The following ASB18 variants were observed in gnomAD, a reference collection of about 807,000 sequenced individuals.
ASB18 encodes the protein ankyrin repeat and SOCS box protein 18.
ASB18 carries 33 observed loss-of-function variants against 33.4 expected under a neutral mutation model. The observed-to-expected ratio is 0.99, with a 90% CI of 0.75 to 1.32. The LOEUF is 1.32. Among genes scored for constraint, ASB18 ranks in the 40% most tolerant of loss-of-function variants. ASB18 has a pLI of 0.00. For missense variants in ASB18, 694 were observed against 655.5 expected, an observed-to-expected ratio of 1.06 and a Z score of -0.64; for synonymous variants, 295 against 307.6, an observed-to-expected ratio of 0.96 and a Z score of 0.43.
chr2:236,211,826 T>C lies in ASB18; in HGVS notation c.1101+2536A>G, dbSNP rs1559329285. On this transcript the variant is annotated intron_variant, in intron 4 of 5. Transcript: ENST00000409749. This position sits in a 1 kb window ranked among gnomAD's most constrained non-coding sequence, Gnocchi z 5.0. ...GCCTTTGCTTGTGGGATTCTCAGCA[T>C]GGTGAATGCATCCTCATCCACCATC... Among the ~76,000 whole-genome samples, 1 of 152,192 alleles carries C rather than the reference T, an allele frequency of 6.6e-6. No homozygotes were observed. The highest frequency in any genetic ancestry group is 2.4e-5 in the African/African-American group (1 of 41,448).
Position 236,221,464 on chromosome 2 carries a change from G to T in ASB18, c.597-6598C>A, listed in dbSNP as rs2060512917. 6.6e-6 allele frequency among the ~76,000 whole-genome samples: 1 copy of T among 152,064 alleles called. No homozygotes were observed. The highest frequency in any genetic ancestry group is 2.4e-5 in the African/African-American group (1 of 41,412). ...TGGGAGATAATTGAATCATGGGGGT[G>T]GTTTCCTTCATACTGTTCTCTTGGT... On this transcript the variant is annotated intron_variant, in intron 3 of 5. Coordinates refer to ENST00000409749, the MANE Select transcript of ASB18 (RefSeq NM_212556.4). The surrounding 1 kb of genome is among the most constrained non-coding windows in gnomAD (Gnocchi z 5.6).
intron 4 of ASB18, among the ~76,000 whole-genome samples, chr2:236,207,006 C>G (rs2060437435): frequency 6.6e-6 from 1 of 152,222 alleles, no homozygotes. Flanking sequence ...TGAAGCTACA[C>G]AAGACAGAGA....
intron 4 of ASB18, among the ~76,000 whole-genome samples, chr2:236,207,838 G>C (rs62190965): frequency 1.0e-4 from 14 of 138,662 alleles, no homozygotes; most frequent in Non-Finnish European, 1.7e-4. Flanking sequence ...TTTTTTTTTG[G>C]TAATGTCTGC....
At chr2:236,202,402 G>C (rs1179503620) in intron 4 of ASB18, among the ~76,000 whole-genome samples, 1 of 144,070 alleles carries the variant, frequency 6.9e-6, no homozygotes, top group Non-Finnish European at 1.5e-5. Context: ...TTTGTTTTCT[G>C]CTTCTTGTTT....
Position 236,194,747 on chromosome 2 carries a change from C to G in ASB18, c.*125G>C. ...TGGCAAGGTCTGTGCTTCACCCGGT[C>G]CCACGGAGAGCAAGTGGGAAGGGAA... On this transcript the variant is annotated 3_prime_UTR_variant, in exon 6 of 6. Coordinates refer to ENST00000409749, the MANE Select transcript of ASB18 (RefSeq NM_212556.4). This position sits in a 1 kb window ranked among gnomAD's most constrained non-coding sequence, Gnocchi z 4.5. 1 of 824,608 alleles carries G rather than the reference C, an allele frequency of 1.2e-6. No homozygotes were observed. The highest frequency in any genetic ancestry group is 2.0e-5 in the South Asian group (1 of 50,220). The allele number at this position is 824,608 out of a possible 1,614,324, so 51.1% of individuals were successfully genotyped here.
rs1275952256 is a variant in ASB18 at position 236,245,676 on chromosome 2, T to C, written c.206-4274A>G. Among the ~76,000 whole-genome samples the C allele has an allele frequency of 6.6e-6, 1 of 152,096 alleles. No individual in the cohort carries two copies. The highest frequency in any genetic ancestry group is 1.9e-4 in the East Asian group (1 of 5,158). ...GCACTCTGACTGTGGCACTGGGCGC[T>C]CTACTATTACTGCTGGTTCCTTGTC... On this transcript the variant is annotated intron_variant, in intron 1 of 5. Coordinates refer to ENST00000409749, the MANE Select transcript of ASB18 (RefSeq NM_212556.4). The surrounding 1 kb of genome is among the most constrained non-coding windows in gnomAD (Gnocchi z 4.7).
At chr2:236,202,959 T>G (rs1309005008) in intron 4 of ASB18, among the ~76,000 whole-genome samples, 1 of 152,000 alleles carries the variant, frequency 6.6e-6, no homozygotes, top group Non-Finnish European at 1.5e-5. Flanking sequence ...CAGGTTGTCA[T>G]TATTATATGA....
chr2:236,222,683 G>A lies in ASB18; in HGVS notation c.597-7817C>T, dbSNP rs1392133105. On this transcript the variant is annotated intron_variant, in intron 3 of 5. Transcript: ENST00000409749. The surrounding 1 kb of genome is among the most constrained non-coding windows in gnomAD (Gnocchi z 5.5). ...AATGGTTTAGTACCATCCCCTTGGT[G>A]CTTTCCTCACGATAGCGAGTTCATG... Among the ~76,000 whole-genome samples, 1 of 152,164 alleles carries A rather than the reference G, an allele frequency of 6.6e-6. No homozygotes were observed. The highest frequency in any genetic ancestry group is 6.5e-5 in the Admixed American group (1 of 15,276).
Position 236,213,806 on chromosome 2 carries a change from A to C in ASB18, c.1101+556T>G, listed in dbSNP as rs2060469515. Reference sequence around the variant, plus strand: ...ACCGAACCCCAGGTAGAGGGAGAATATCACCTGCCTCTCGTGTTTCACTGC... The same window carrying C: ...ACCGAACCCCAGGTAGAGGGAGAATCTCACCTGCCTCTCGTGTTTCACTGC... On this transcript the variant is annotated intron_variant, in intron 4 of 5. Transcript: ENST00000409749. The surrounding 1 kb of genome is among the most constrained non-coding windows in gnomAD (Gnocchi z 4.8). The C allele has an allele frequency of 6.5e-6, 1 of 154,828 alleles. No individual in the cohort carries two copies. Among genetic ancestry groups the C allele is most frequent in the African/African-American group, 2.4e-5 (1 of 41,450 alleles). 9.6% of individuals were successfully genotyped at this position (154,828 alleles called of 1,614,324 possible).
In ASB18 at chr2:236,216,117, C is replaced by T. The variant is rs563549570; in HGVS notation, c.597-1251G>A. Among the ~76,000 whole-genome samples, 1 of 152,306 alleles carries T rather than the reference C, an allele frequency of 6.6e-6. No individual in the cohort carries two copies. Among genetic ancestry groups the T allele is most frequent in the South Asian group, 2.1e-4 (1 of 4,814 alleles). ...CTTCAAGCCGGAGTCCATTCTTCACCCCCCTCCTTTTCTCTGCGGGTCTGC... is the reference window on the plus strand; with the variant it reads ...CTTCAAGCCGGAGTCCATTCTTCACTCCCCTCCTTTTCTCTGCGGGTCTGC... On this transcript the variant is annotated intron_variant, in intron 3 of 5. Transcript: ENST00000409749. This position sits in a 1 kb window ranked among gnomAD's most constrained non-coding sequence, Gnocchi z 6.1.
rs150894424 is a variant in ASB18, at chr2:236,234,763, C to T, written c.596+2926G>A. Among the ~76,000 whole-genome samples the T allele has an allele frequency of 1.6e-3, 238 of 152,292 alleles. No individual in the cohort carries two copies. Among genetic ancestry groups the T allele is most frequent in the Admixed American group, 5.1e-3 (78 of 15,290 alleles). ...AAAATAAATAAAAAAGCTTCAATCCCTACCTCACATCATATTCAGAAATGA... is the reference window on the plus strand; with the variant it reads ...AAAATAAATAAAAAAGCTTCAATCCTTACCTCACATCATATTCAGAAATGA... On this transcript the variant is annotated intron_variant, in intron 3 of 5. Transcript: ENST00000409749. This position sits in a 1 kb window ranked among gnomAD's most constrained non-coding sequence, Gnocchi z 4.1.
intron 2 of ASB18, among the ~76,000 whole-genome samples, chr2:236,240,690 C>T (rs1023824807): frequency 2.6e-5 from 4 of 152,178 alleles, no homozygotes; most frequent in Non-Finnish European, 4.4e-5. Flanking sequence ...GTCCGCCCAG[C>T]GCACAGTGAC....
rs116745507 is a variant in ASB18, at chr2:236,245,685, A to G, written c.206-4283T>C. Among the ~76,000 whole-genome samples the G allele has an allele frequency of 7.2e-3, 1,089 of 151,926 alleles. 20 individuals carry two copies. The highest frequency in any genetic ancestry group is 0.025 in the African/African-American group (1,043 of 41,436). On this transcript the variant is annotated intron_variant, in intron 1 of 5. Coordinates refer to ENST00000409749, the MANE Select transcript of ASB18 (RefSeq NM_212556.4). This position sits in a 1 kb window ranked among gnomAD's most constrained non-coding sequence, Gnocchi z 4.7. ...CTGTGGCACTGGGCGCTCTACTATTACTGCTGGTTCCTTGTCTGTGTCCCA... is the reference window on the plus strand; with the variant it reads ...CTGTGGCACTGGGCGCTCTACTATTGCTGCTGGTTCCTTGTCTGTGTCCCA...
chr2:236,206,875 A>G (rs552292956), intron 4 of ASB18, among the ~76,000 whole-genome samples: 2 of 152,214 alleles, frequency 1.3e-5, no homozygotes, highest in African/African-American at 4.8e-5. Flanking sequence ...CAGAGTCCAG[A>G]GACCAGGGCC....
intron 1 of ASB18, chr2:236,247,905 T>C (rs2060651883): frequency 6.6e-6 from 1 of 152,130 alleles, no homozygotes; most frequent in African/African-American, 2.4e-5. Flanking sequence ...CTACATGGAT[T>C]GTGAAAAAGA....
In ASB18 at chr2:236,262,220, C is replaced by T. The variant is rs1165478044; in HGVS notation, c.205+1921G>A. Among the ~76,000 whole-genome samples, 1 of 152,200 alleles carries T rather than the reference C, an allele frequency of 6.6e-6. No individual in the cohort carries two copies. The highest frequency in any genetic ancestry group is 1.5e-5 in the Non-Finnish European group (1 of 68,042). ...TACACAAATCTTCAACCGGCTGGGA[C>T]TGGTTTATGAAGGAAGAGCTGTTGA... On this transcript the variant is annotated intron_variant, in intron 1 of 5. Coordinates refer to ENST00000409749, the MANE Select transcript of ASB18 (RefSeq NM_212556.4). This position sits in a 1 kb window ranked among gnomAD's most constrained non-coding sequence, Gnocchi z 5.2.
Position 236,234,099 on chromosome 2 carries a change from G to A in ASB18, c.596+3590C>T, listed in dbSNP as rs556931713. Among the ~76,000 whole-genome samples, 30 of 152,308 alleles carry A rather than the reference G, an allele frequency of 2.0e-4. No individual in the cohort carries two copies. The Middle Eastern group carries it at 0.048, about 242-fold the overall frequency. On this transcript the variant is annotated intron_variant, in intron 3 of 5. Transcript: ENST00000409749. This position sits in a 1 kb window ranked among gnomAD's most constrained non-coding sequence, Gnocchi z 4.1. ...GATGAAGGGGGATGGCTCTGCCATG[G>A]CACCTTGGTGACCCTGCACATATCC... is the stretch of plus-strand genomic sequence containing the variant.
Position 236,241,217 on chromosome 2 carries a change from A to G in ASB18, c.328+63T>C, listed in dbSNP as rs2060619445. The G allele has an allele frequency of 2.0e-5, 30 of 1,532,784 alleles. No homozygotes were observed. Among genetic ancestry groups the G allele is most frequent in the Non-Finnish European group, 2.7e-5 (30 of 1,112,832 alleles). 94.9% of individuals were successfully genotyped at this position (1,532,784 alleles called of 1,614,324 possible). ...CCCAGTCTACACACGGGAGCCTTACACTCCCAGAGAGTATTAGTAGCCCCT... is the reference window on the plus strand; with the variant it reads ...CCCAGTCTACACACGGGAGCCTTACGCTCCCAGAGAGTATTAGTAGCCCCT... On this transcript the variant is annotated intron_variant, in intron 2 of 5. Transcript: ENST00000409749. This position sits in a 1 kb window ranked among gnomAD's most constrained non-coding sequence, Gnocchi z 4.2.
intron 4 of ASB18, among the ~76,000 whole-genome samples, chr2:236,207,966 T>G (rs190351243): frequency 6.6e-6 from 1 of 152,120 alleles, no homozygotes; most frequent in Non-Finnish European, 1.5e-5. Context: ...TCCCTCCTTT[T>G]CTTTCTTCCT....
Sources: gnomAD v4.1 joint callset for allele counts (sites outside exome capture counted in the v4.1 genomes callset) on GRCh38, gnomAD v4.1.1 for gene constraint, Gnocchi (gnomAD v3.1) non-coding constraint, MANE v1.5 for transcripts, NCBI Gene and HGNC (gene_info 2026-07-23, HGNC 2026-07-21) for gene names.